The following CACNA1A variants were observed in gnomAD, a reference collection of about 807,000 sequenced individuals.
CACNA1A encodes the protein voltage-dependent P/Q-type calcium channel subunit alpha-1A.
A neutral mutation model predicts 262.4 loss-of-function variants in CACNA1A; 57 were observed. The observed-to-expected ratio is 0.22, with a 90% CI of 0.18 to 0.27. The LOEUF (loss-of-function observed/expected upper bound fraction) is 0.27, where lower values mean the gene tolerates loss of function less well. CACNA1A is among the 10% of genes least tolerant of loss of function. CACNA1A has a pLI of 1.00. For missense variants in CACNA1A, 2,526 were observed against 3,562.8 expected, an observed-to-expected ratio of 0.71 and a Z score of 7.41; for synonymous variants, 1,431 against 1,419.3, an observed-to-expected ratio of 1.01 and a Z score of -0.18.
chr19:13,439,668 CCCAAAGTGCTGGGATTACAGG>C (rs2060681416), intron 3 of CACNA1A, among the ~76,000 whole-genome samples: 1 of 152,096 alleles, frequency 6.6e-6, no homozygotes, highest in African/African-American at 2.4e-5. Context: ...GCCTCGGCCT[CCCAAAGTGCTGGGATTACAGG>C]CGTGGGCCAC....
intron 15 of CACNA1A, among the ~76,000 whole-genome samples, chr19:13,304,781 A>C (rs1436865628): frequency 6.6e-6 from 1 of 152,110 alleles, no homozygotes; most frequent in Non-Finnish European, 1.5e-5. Flanking sequence ...CTCACCAGGA[A>C]CTAACTAACC....
At chr19:13,484,049 G>A (rs1979681711) in intron 1 of CACNA1A, among the ~76,000 whole-genome samples, 1 of 152,140 alleles carries the variant, frequency 6.6e-6, no homozygotes, top group Non-Finnish European at 1.5e-5. Context: ...GGGTGTGTGA[G>A]CTTGAGTAAT....
At chr19:13,378,022 T>C (rs951216466) in intron 3 of CACNA1A, among the ~76,000 whole-genome samples, 4 of 152,074 alleles carry the variant, frequency 2.6e-5, no homozygotes, top group African/African-American at 9.7e-5. Context: ...TTGTGATTCG[T>C]GGGAACAGGT....
intron 1 of CACNA1A, among the ~76,000 whole-genome samples, chr19:13,468,254 T>G (rs2061290069): frequency 6.6e-6 from 1 of 152,072 alleles, no homozygotes; most frequent in African/African-American, 2.4e-5. Context: ...AAACAAGAAC[T>G]GAAGACCTTC....
chr19:13,224,870 C>T, intron 37 of CACNA1A, 98 bp from the exon 38 acceptor site: 1 of 786,188 alleles, frequency 1.3e-6, no homozygotes. Flanking sequence ...CCAGGAAGAA[C>T]TCTGAAAGCT....
chr19:13,220,431 A>T (rs1348372102), intron 38 of CACNA1A, among the ~76,000 whole-genome samples: 1 of 152,144 alleles, frequency 6.6e-6, no homozygotes, highest in African/African-American at 2.4e-5. Flanking sequence ...CACTTCCAGG[A>T]GCAAAAAGCT....
At chr19:13,460,761 C>T (rs1238658514) in intron 1 of CACNA1A, among the ~76,000 whole-genome samples, 1 of 152,140 alleles carries the variant, frequency 6.6e-6, no homozygotes, top group Admixed American at 6.5e-5. Flanking sequence ...GTTCATTCTC[C>T]TGGAATAGTC....
At chr19:13,416,630 A>G (rs1051331707) in intron 3 of CACNA1A, among the ~76,000 whole-genome samples, 1 of 152,126 alleles carries the variant, frequency 6.6e-6, no homozygotes, top group African/African-American at 2.4e-5. Flanking sequence ...CCTGGCCGAC[A>G]TGGTAAAACC....
intron 12 of CACNA1A, among the ~76,000 whole-genome samples, chr19:13,310,385 G>A (rs1440290834): frequency 7.1e-6 from 1 of 141,762 alleles, no homozygotes; most frequent in Non-Finnish European, 1.5e-5. Flanking sequence ...AACCCGGGAG[G>A]TGGAGGTTGT....
intron 3 of CACNA1A, among the ~76,000 whole-genome samples, chr19:13,382,509 G>A (rs1362122915): frequency 1.3e-5 from 2 of 152,164 alleles, no homozygotes; most frequent in Non-Finnish European, 2.9e-5. Flanking sequence ...GAGGCAGAAG[G>A]CTCCACTCAG....
chr19:13,276,795 T>C (rs1315637591), intron 23 of CACNA1A, among the ~76,000 whole-genome samples: 1 of 150,606 alleles, frequency 6.6e-6, no homozygotes, highest in African/African-American at 2.4e-5. Context: ...CATCGGCTCA[T>C]TGCAGCCTAG....
chr19:13,228,276 G>C (rs1173610116), intron 36 of CACNA1A, among the ~76,000 whole-genome samples: 6 of 151,930 alleles, frequency 3.9e-5, no homozygotes, highest in Non-Finnish European at 8.8e-5. Context: ...AGGGGGCCTA[G>C]GTGGGGAGCA....
chr19:13,236,967 G>A lies in CACNA1A; in HGVS notation c.4951-1237C>T, dbSNP rs1456414956. On this transcript the variant is annotated intron_variant, in intron 31 of 46. Transcript: ENST00000360228. The surrounding 1 kb of genome is among the most constrained non-coding windows in gnomAD (Gnocchi z 4.6). ...CTAATAAAACTGTTTTGTTGGGCCC[G>A]AGCAGTGTTTTTTCATTTGTCCTTG... 2.0e-5 allele frequency among the ~76,000 whole-genome samples: 3 copies of A among 152,124 alleles called. No homozygotes were observed. Among genetic ancestry groups the A allele is most frequent in the Non-Finnish European group, 4.4e-5 (3 of 68,026 alleles).
At chr19:13,463,234 C>A (rs1319073744) in intron 1 of CACNA1A, among the ~76,000 whole-genome samples, 2 of 152,104 alleles carry the variant, frequency 1.3e-5, no homozygotes, top group African/African-American at 2.4e-5. Flanking sequence ...CAAGTCCCAA[C>A]CAATGGCCAC....
intron 11 of CACNA1A, among the ~76,000 whole-genome samples, chr19:13,313,456 G>T (rs561099546): frequency 1.4e-5 from 2 of 145,106 alleles, no homozygotes; most frequent in African/African-American, 5.2e-5. Context: ...GCCAAGATTG[G>T]GCCACCCTAC....
Position 13,452,875 on chromosome 19 carries a change from C to G in CACNA1A, c.539+1G>C. The G allele has an allele frequency of 6.2e-7, 1 of 1,613,542 alleles. No homozygotes were observed. The highest frequency in any genetic ancestry group is 8.5e-7 in the Non-Finnish European group (1 of 1,179,576). On this transcript the variant is annotated splice_donor_variant, in intron 3 of 46. Transcript: ENST00000360228. LOFTEE classifies it high-confidence loss of function. ...CAAAGCGTATAGCACGCGCCACTTA[C>G]CCCGTTAGCACCACCACAAAGTCCA...
At chr19:13,369,297 TAGA>T (rs1320139745) in intron 4 of CACNA1A, among the ~76,000 whole-genome samples, 1 of 152,100 alleles carries the variant, frequency 6.6e-6, no homozygotes, top group Non-Finnish European at 1.5e-5. Flanking sequence ...TGACTGACTA[TAGA>T]AGTACAAAAG....
Position 13,379,003 on chromosome 19 carries a change from T to G in CACNA1A, c.540-7224A>C, listed in dbSNP as rs1427377263. On this transcript the variant is annotated intron_variant, in intron 3 of 46. Coordinates refer to ENST00000360228, the MANE Select transcript of CACNA1A (RefSeq NM_001127222.2). ...TTTTTTTTTAATTTTTGTTGAGAGA[T>G]ACGGTCTCACTCTGTCCCCCAGGCT... Among the ~76,000 whole-genome samples the G allele has an allele frequency of 4.4e-5, 6 of 136,510 alleles. No homozygotes were observed. In the East Asian group the frequency reaches 1.3e-3, roughly 30 times the overall value. 89.6% of individuals were successfully genotyped at this position (136,510 alleles called of 152,430 possible). A position where few individuals can be genotyped will look rare whatever the true frequency, so the allele number is the denominator to read the frequency against.
intron 1 of CACNA1A, among the ~76,000 whole-genome samples, chr19:13,469,867 C>T (rs756394258): frequency 6.6e-6 from 1 of 151,884 alleles, no homozygotes; most frequent in Admixed American, 6.6e-5. Flanking sequence ...TTCTCAGGAC[C>T]CTCTCCTGCC....
Sources: gnomAD v4.1 joint callset for allele counts (sites outside exome capture counted in the v4.1 genomes callset) on GRCh38, gnomAD v4.1.1 for gene constraint, Gnocchi (gnomAD v3.1) non-coding constraint, MANE v1.5 for transcripts, NCBI Gene and HGNC (gene_info 2026-07-23, HGNC 2026-07-21) for gene names.